Variants in GLIS3 observed in about 807,000 individuals in gnomAD.
GLIS3 encodes the protein GLIS family zinc finger 3, also known as zinc finger protein GLIS3.
A neutral mutation model predicts 78.6 loss-of-function variants in GLIS3; 53 were observed. That is an observed-to-expected ratio of 0.67 (90% confidence interval 0.54 to 0.85). The LOEUF is 0.85. GLIS3 is among the 40% of genes least tolerant of loss of function. The probability of loss-of-function intolerance (pLI) is 0.00; values close to 1 mark genes in which losing one functional copy is unlikely to be tolerated. For synonymous variants in GLIS3, 684 were observed against 509.9 expected, an observed-to-expected ratio of 1.34 and a Z score of -4.60; for missense variants, 1,703 against 1,231.1, an observed-to-expected ratio of 1.38 and a Z score of -5.74.
At chr9:4,368,665 C>T in the GLIS3 span, among the ~76,000 whole-genome samples, 1,298 of 152,288 alleles carry the variant, frequency 8.5e-3, 28 homozygotes, top group African/African-American at 0.03. Context: ...CAAGACCCCT[C>T]TTCTTAAGCC....
At chr9:4,182,683 T>G (rs778402696) in intron 2 of GLIS3, among the ~76,000 whole-genome samples, 1 of 152,144 alleles carries the variant, frequency 6.6e-6, no homozygotes, top group Non-Finnish European at 1.5e-5. Flanking sequence ...GTTCTCCCAA[T>G]AAAGGAATAA....
At chr9:4,335,101 G>A (rs1270774884) in intron 2 of GLIS3, among the ~76,000 whole-genome samples, 1 of 151,894 alleles carries the variant, frequency 6.6e-6, no homozygotes, top group Non-Finnish European at 1.5e-5. Context: ...GTGGAGACGA[G>A]GTTTCACCAT....
chr9:4,389,201 G>C, the GLIS3 span, among the ~76,000 whole-genome samples: 3 of 152,160 alleles, frequency 2.0e-5, no homozygotes, highest in African/African-American at 7.2e-5. Context: ...TCAGTAACTT[G>C]TCCAAAGTTG....
the GLIS3 span, among the ~76,000 whole-genome samples, chr9:4,470,329 G>A: frequency 0.11 from 16,734 of 152,174 alleles, 1,010 homozygotes; most frequent in Admixed American, 0.16. Flanking sequence ...CAATATCCCC[G>A]ATGAATATCG....
intron 2 of GLIS3, among the ~76,000 whole-genome samples, chr9:4,262,876 C>T (rs1563855405): frequency 6.8e-6 from 1 of 146,618 alleles, no homozygotes. Context: ...TATGAACTAC[C>T]TTAAGCCCGT....
the GLIS3 span, among the ~76,000 whole-genome samples, chr9:4,353,438 G>A: frequency 6.6e-6 from 1 of 152,182 alleles, no homozygotes; most frequent in African/African-American, 2.4e-5. Flanking sequence ...AGTCCATTGA[G>A]CCTCAGGATT....
chr9:3,972,596 T>C (rs530868731), intron 4 of GLIS3, among the ~76,000 whole-genome samples: 1 of 152,270 alleles, frequency 6.6e-6, no homozygotes, highest in Admixed American at 6.5e-5. Flanking sequence ...TAGATTATCA[T>C]AGGGTTACAT....
At chr9:4,391,153 C>A in the GLIS3 span, among the ~76,000 whole-genome samples, 7 of 152,302 alleles carry the variant, frequency 4.6e-5, no homozygotes, top group African/African-American at 1.7e-4. Flanking sequence ...TCTGCTGCCT[C>A]TGGCTTTACC....
intron 4 of GLIS3, among the ~76,000 whole-genome samples, chr9:4,075,223 G>A (rs1827944808): frequency 6.6e-6 from 1 of 151,992 alleles, no homozygotes; most frequent in Non-Finnish European, 1.5e-5. Context: ...TTAAATATGT[G>A]CAACTTTTAT....
chr9:4,208,716 T>A (rs1202285283), intron 2 of GLIS3, among the ~76,000 whole-genome samples: 1 of 152,114 alleles, frequency 6.6e-6, no homozygotes, highest in Non-Finnish European at 1.5e-5. Context: ...GTTTAAAGAG[T>A]CTAACTCTGT....
At chr9:4,406,580 T>G in the GLIS3 span, among the ~76,000 whole-genome samples, 1 of 152,118 alleles carries the variant, frequency 6.6e-6, no homozygotes, top group African/African-American at 2.4e-5. Flanking sequence ...AAAAAACTAT[T>G]TGAACTGATA....
the GLIS3 span, among the ~76,000 whole-genome samples, chr9:4,416,889 G>C: frequency 2.1e-5 from 3 of 141,596 alleles, no homozygotes. Flanking sequence ...TGTGATCTTG[G>C]CTCACTGCAA....
At chr9:3,925,668 G>T (rs1467792554) in intron 6 of GLIS3, among the ~76,000 whole-genome samples, 2 of 152,140 alleles carry the variant, frequency 1.3e-5, no homozygotes, top group Non-Finnish European at 2.9e-5. Context: ...GCCTTGAACT[G>T]TTGGGGTAGG....
intron 2 of GLIS3, among the ~76,000 whole-genome samples, chr9:4,163,993 A>T (rs1051927831): frequency 1.2e-4 from 18 of 152,252 alleles, no homozygotes; most frequent in African/African-American, 4.3e-4. Context: ...CTGGTCCTTC[A>T]TAAGAATTAA....
chr9:4,011,827 C>G (rs1444339753), intron 4 of GLIS3, among the ~76,000 whole-genome samples: 2 of 152,182 alleles, frequency 1.3e-5, no homozygotes, highest in Non-Finnish European at 2.9e-5. Flanking sequence ...CTGGGCATAT[C>G]TGCTCTTAAC....
intron 4 of GLIS3, among the ~76,000 whole-genome samples, chr9:4,011,272 G>C (rs1004441850): frequency 1.3e-5 from 2 of 152,212 alleles, no homozygotes; most frequent in Non-Finnish European, 2.9e-5. Context: ...AATCGGGTTT[G>C]TAAGAGTCAT....
the GLIS3 span, among the ~76,000 whole-genome samples, chr9:4,453,057 T>A: frequency 6.6e-6 from 1 of 152,070 alleles, no homozygotes; most frequent in South Asian, 2.1e-4. Context: ...AAACAAGAAA[T>A]AGGAAAAGGA....
At chr9:4,186,074 T>A (rs1175255900) in intron 2 of GLIS3, among the ~76,000 whole-genome samples, 1 of 152,036 alleles carries the variant, frequency 6.6e-6, no homozygotes, top group African/African-American at 2.4e-5. Flanking sequence ...TATGTATACA[T>A]GTGCCATGCT....
At chr9:4,205,222 C>T (rs1045073305) in intron 2 of GLIS3, among the ~76,000 whole-genome samples, 1 of 150,476 alleles carries the variant, frequency 6.6e-6, no homozygotes, top group Admixed American at 6.6e-5. Flanking sequence ...TTCAAGACAG[C>T]AAGCCACTAT....
Sources: allele counts gnomAD v4.1 joint callset (sites outside exome capture counted in the v4.1 genomes callset), GRCh38; gene constraint gnomAD v4.1.1; transcripts MANE v1.5; gene names NCBI Gene and HGNC (gene_info 2026-07-23, HGNC 2026-07-21).